The following PPM1L variants were observed in gnomAD, a reference collection of about 807,000 sequenced individuals.
PPM1L encodes the protein protein phosphatase 1L.
A neutral mutation model predicts 31.4 loss-of-function variants in PPM1L; 13 were observed. The ratio of observed to expected loss-of-function variants is 0.41; its 90% CI spans 0.27 to 0.66. PPM1L has a LOEUF of 0.66. Among genes scored for constraint, PPM1L ranks in the 30% least tolerant of loss-of-function variants. The pLI, the probability that PPM1L is intolerant of heterozygous loss-of-function variation, is 0.29. For synonymous variants in PPM1L, 184 were observed against 175.4 expected (o/e 1.05, Z -0.39); for missense variants, 326 against 453.7 (o/e 0.72, Z 2.56).
rs1224797083 is a variant in PPM1L, at chr3:161,077,175, G to A, written c.*8018G>A. ...TTCTTCCAATGGGCTTAGATTTGTT[G>A]GGACAGGGCAGAATTAGAATAATTA... is the stretch of plus-strand genomic sequence containing the variant. On this transcript the variant is annotated 3_prime_UTR_variant, in exon 4 of 4. Transcript: ENST00000498165. 6.6e-6 allele frequency: 1 copy of A among 152,220 alleles called. No individual in the cohort carries two copies. Among genetic ancestry groups the A allele is most frequent in the Non-Finnish European group, 1.5e-5 (1 of 68,044 alleles). The allele number at this position is 152,220 out of a possible 1,614,324, so 9.4% of individuals were successfully genotyped here.
intron 1 of PPM1L, among the ~76,000 whole-genome samples, chr3:160,866,478 C>G (rs1454091523): frequency 1.3e-5 from 2 of 152,248 alleles, no homozygotes; most frequent in East Asian, 3.9e-4. Flanking sequence ...TAGAAATACT[C>G]AACATTTAGG....
At chr3:160,807,804 G>A (rs1386858636) in intron 1 of PPM1L, among the ~76,000 whole-genome samples, 1 of 149,586 alleles carries the variant, frequency 6.7e-6, no homozygotes, top group African/African-American at 2.5e-5. Flanking sequence ...ATTCCTGCTT[G>A]GGCACTTTTT....
At chr3:160,896,172 T>G (rs1267223431) in intron 1 of PPM1L, among the ~76,000 whole-genome samples, 2 of 152,182 alleles carry the variant, frequency 1.3e-5, no homozygotes. Flanking sequence ...AATTTCTTCC[T>G]TATAATTTTA....
intron 1 of PPM1L, among the ~76,000 whole-genome samples, chr3:160,960,777 G>A (rs1715938183): frequency 6.6e-6 from 1 of 152,070 alleles, no homozygotes; most frequent in South Asian, 2.1e-4. Context: ...CCTGATTTAT[G>A]CATGCCTCTC....
chr3:160,892,984 A>G (rs552748106), intron 1 of PPM1L, among the ~76,000 whole-genome samples: 3 of 152,090 alleles, frequency 2.0e-5, no homozygotes, highest in Non-Finnish European at 4.4e-5. Context: ...CTTTTTCTTA[A>G]TAGTTTTCAG....
intron 1 of PPM1L, among the ~76,000 whole-genome samples, chr3:160,824,833 TA>T (rs1312765546): frequency 6.6e-6 from 1 of 152,164 alleles, no homozygotes; most frequent in Admixed American, 6.5e-5. Flanking sequence ...ATTCATGCCT[TA>T]TATATGTATG....
chr3:160,935,409 C>T (rs7644628), intron 1 of PPM1L, among the ~76,000 whole-genome samples: 1,548 of 152,220 alleles, frequency 0.01, 29 homozygotes, highest in African/African-American at 0.035. Context: ...TGACTGGGTG[C>T]GTACATCTGT....
intron 2 of PPM1L, among the ~76,000 whole-genome samples, chr3:160,978,204 C>T (rs1716667799): frequency 6.6e-6 from 1 of 152,198 alleles, no homozygotes; most frequent in Admixed American, 6.5e-5. Context: ...CAGTACCACT[C>T]CCACATTTGG....
intron 1 of PPM1L, among the ~76,000 whole-genome samples, chr3:160,950,402 C>T (rs771020398): frequency 3.9e-5 from 6 of 152,152 alleles, no homozygotes; most frequent in Admixed American, 2.6e-4. Context: ...ACTCACATCA[C>T]GCTAAATAAG....
intron 1 of PPM1L, among the ~76,000 whole-genome samples, chr3:160,793,159 A>T (rs761813672): frequency 1.4e-4 from 21 of 152,122 alleles, no homozygotes; most frequent in South Asian, 4.1e-4. Flanking sequence ...TTCATACCTC[A>T]CTATTTGGAA....
At chr3:160,888,508 C>CAGGA (rs1251470037) in intron 1 of PPM1L, among the ~76,000 whole-genome samples, 1 of 152,194 alleles carries the variant, frequency 6.6e-6, no homozygotes, top group Non-Finnish European at 1.5e-5. Context: ...GCACCCAATA[C>CAGGA]AGGAGTACCC....
rs200883064 is a variant in PPM1L, at chr3:160,814,471, GTA to G, written c.399+57769_399+57770del. Among the ~76,000 whole-genome samples the G allele has an allele frequency of 8.2e-4, 121 of 148,208 alleles. 1 individual carries two copies. Among genetic ancestry groups the G allele is most frequent in the South Asian group, 1.3e-3 (6 of 4,730 alleles). Reference sequence around the variant, plus strand: ...AACGAGTGGATGAAGATGATGTGGTGTATATACACACACACACACACACACAT... The same window carrying G: ...AACGAGTGGATGAAGATGATGTGGTGTATACACACACACACACACACACAT... On this transcript the variant is annotated intron_variant, in intron 1 of 3. Transcript: ENST00000498165.
chr3:160,787,968 T>C (rs1205445936), intron 1 of PPM1L, among the ~76,000 whole-genome samples: 1 of 152,148 alleles, frequency 6.6e-6, no homozygotes, highest in African/African-American at 2.4e-5. Context: ...GTTCCATTGG[T>C]CTATGTGTCT....
At position 161,069,539 on chromosome 3, in the gene PPM1L, C is replaced by T. The variant is rs1304915208; in HGVS notation, c.*382C>T. 4.8e-6 allele frequency: 1 copy of T among 209,070 alleles called. No individual in the cohort carries two copies. The highest frequency in any genetic ancestry group is 9.8e-6 in the Non-Finnish European group (1 of 102,228). 13.0% of individuals were successfully genotyped at this position (209,070 alleles called of 1,614,324 possible). On this transcript the variant is annotated 3_prime_UTR_variant, in exon 4 of 4. Transcript: ENST00000498165. ...TGTGTCCTCTCTTTGTAACAGTGGA[C>T]AGGACAGACCACCCAGTGCTGCAGG...
At chr3:160,938,590 C>T (rs1426686997) in intron 1 of PPM1L, among the ~76,000 whole-genome samples, 3 of 152,102 alleles carry the variant, frequency 2.0e-5, no homozygotes, top group African/African-American at 7.2e-5. Flanking sequence ...TTAACACCTC[C>T]GAAGTAGGGT....
chr3:160,848,595 C>T (rs1045704421), intron 1 of PPM1L, among the ~76,000 whole-genome samples: 3 of 152,182 alleles, frequency 2.0e-5, no homozygotes, highest in African/African-American at 7.2e-5. Context: ...TCCTTCTCTA[C>T]CTTGCACTGG....
At chr3:160,884,933 T>G (rs917287789) in intron 1 of PPM1L, among the ~76,000 whole-genome samples, 3 of 152,228 alleles carry the variant, frequency 2.0e-5, no homozygotes, top group Non-Finnish European at 2.9e-5. Flanking sequence ...CTTCTGTTGT[T>G]CCCTGATCTC....
chr3:160,924,482 C>G (rs1218857124), intron 1 of PPM1L, among the ~76,000 whole-genome samples: 1 of 152,194 alleles, frequency 6.6e-6, no homozygotes. Flanking sequence ...AGAATCAAGT[C>G]TAGCTAGCCA....
chr3:160,819,086 A>T (rs1713080018), intron 1 of PPM1L, among the ~76,000 whole-genome samples: 1 of 149,208 alleles, frequency 6.7e-6, no homozygotes, highest in Non-Finnish European at 1.5e-5. Context: ...ATAAACCATA[A>T]TGATGGTAGA....
Sources: gnomAD v4.1 joint callset for allele counts (sites outside exome capture counted in the v4.1 genomes callset) on GRCh38, gnomAD v4.1.1 for gene constraint, MANE v1.5 for transcripts, NCBI Gene and HGNC (gene_info 2026-07-23, HGNC 2026-07-21) for gene names.